OIT3: variants seen among roughly 807,000 people sequenced by gnomAD.
The protein encoded by OIT3 is oncoprotein induced transcript 3.
In OIT3, 41 loss-of-function variants were observed where a neutral mutation model predicts 52.2. The ratio of observed to expected loss-of-function variants is 0.79; its 90% confidence interval spans 0.61 to 1.02. The LOEUF (loss-of-function observed/expected upper bound fraction) is 1.02, where lower values mean the gene tolerates loss of function less well. OIT3 is among the 50% of genes least tolerant of loss of function. The pLI, the probability that OIT3 is intolerant of heterozygous loss-of-function variation, is 0.00. For missense variants in OIT3, 634 were observed against 715.5 expected (o/e 0.89, Z 1.30); for synonymous variants, 244 against 276.9 (o/e 0.88, Z 1.18).
intron 1 of OIT3, among the ~76,000 whole-genome samples, chr10:72,896,663 A>G (rs1270861547): frequency 6.6e-6 from 1 of 152,222 alleles, no homozygotes; most frequent in Non-Finnish European, 1.5e-5. Context: ...TGTAGATTGG[A>G]AAAATCTAAA....
chr10:72,926,253 T>A (rs1846169035), intron 7 of OIT3, among the ~76,000 whole-genome samples: 1 of 152,238 alleles, frequency 6.6e-6, no homozygotes, highest in Non-Finnish European at 1.5e-5. Flanking sequence ...CCTCTTGTTT[T>A]TCACTACAGC....
intron 7 of OIT3, among the ~76,000 whole-genome samples, chr10:72,927,709 C>A (rs903172083): frequency 6.6e-6 from 1 of 152,132 alleles, no homozygotes; most frequent in East Asian, 1.9e-4. Flanking sequence ...AGTTTCTGCT[C>A]CTGCCAAAGG....
rs544505035 is a variant in OIT3 at position 72,928,482 on chromosome 10, A to G, written c.1368-2056A>G. ...CCCCTTCTGCTTCATTTTTTCTTTT[A>G]AAGAAAAATAACAGTTATTTTGAGA... is the stretch of plus-strand genomic sequence containing the variant. On this transcript the variant is annotated intron_variant, in intron 7 of 8. Transcript: ENST00000334011. 2.4e-4 allele frequency among the ~76,000 whole-genome samples: 37 copies of G among 152,266 alleles called. No homozygotes were observed. The South Asian group carries it at 7.7e-3, about 32-fold the overall frequency.
chr10:72,930,878 A>C (rs1476888427), intron 8 of OIT3, among the ~76,000 whole-genome samples: 1 of 152,130 alleles, frequency 6.6e-6, no homozygotes, highest in African/African-American at 2.4e-5. Context: ...GTGCTGTTCA[A>C]AGAAAATACT....
At chr10:72,895,133 G>A (rs907846987) in intron 1 of OIT3, among the ~76,000 whole-genome samples, 1 of 152,186 alleles carries the variant, frequency 6.6e-6, no homozygotes, top group Non-Finnish European at 1.5e-5. Flanking sequence ...TGGGTGTGGG[G>A]TATGTGGGAT....
rs751500410 is a variant in OIT3, at chr10:72,906,685, C to T, written c.634C>T (p.Arg212Cys). 21 of 1,607,078 alleles carry T rather than the reference C, an allele frequency of 1.3e-5. No homozygotes were observed. The Admixed American group carries it at 2.7e-4, about 21-fold the overall frequency. The change falls in exon 4 of 9, where the codon CGT becomes TGT. Residue 212 changes from arginine (R) to cysteine (C), a missense_variant. Arg to Cys is a radical substitution (Grantham distance 180). Transcript: ENST00000334011. ...NSYRCECGVG[R>C]VLRSDGKTCE... is the part of the protein sequence containing the mutation. ...CTACCGCTGTGAGTGTGGGGTTGGC[C>T]GTGTGCTAAGAAGTGATGGCAAGAC...
intron 7 of OIT3, among the ~76,000 whole-genome samples, chr10:72,926,361 C>T (rs1268636071): frequency 2.6e-5 from 4 of 152,182 alleles, no homozygotes; most frequent in African/African-American, 9.7e-5. Flanking sequence ...ATAGCAATGC[C>T]CCAACCCTGT....
intron 4 of OIT3, among the ~76,000 whole-genome samples, chr10:72,908,620 TA>T (rs1484691075): frequency 1.3e-5 from 2 of 152,176 alleles, no homozygotes; most frequent in African/African-American, 4.8e-5. Flanking sequence ...GAGTCCTCCT[TA>T]AATCTTAATT....
chr10:72,899,365 G>A (rs1845906306), intron 2 of OIT3, among the ~76,000 whole-genome samples: 3 of 152,134 alleles, frequency 2.0e-5, no homozygotes, highest in South Asian at 4.1e-4. Context: ...GGGAGGCTGA[G>A]GCAGGTGGAT....
chr10:72,910,296 AG>A (rs1486158161), intron 4 of OIT3, among the ~76,000 whole-genome samples: 1 of 152,162 alleles, frequency 6.6e-6, no homozygotes, highest in Non-Finnish European at 1.5e-5. Context: ...TTTCTTCTAT[AG>A]TATTATATAT....
chr10:72,893,856 G>A lies in OIT3; in HGVS notation c.58G>A (p.Val20Met), dbSNP rs145779704. The change falls in exon 1 of 9, where the codon GTG (valine) becomes ATG (methionine). Residue 20 changes from valine to methionine, a missense_variant. Coordinates refer to ENST00000334011, the MANE Select transcript of OIT3 (RefSeq NM_152635.3). ...LFITGTSVSP[V>M]ALDPCSAYIS... ...CATCACAGGCACCTCCGTGTCACCC[G>A]TGGGTGAGTCTCATGTCAAGAACTT... The A allele has an allele frequency of 2.3e-5, 37 of 1,607,154 alleles. No individual in the cohort carries two copies. Among genetic ancestry groups the A allele is most frequent in the Admixed American group, 1.0e-4 (6 of 59,024 alleles).
intron 6 of OIT3, chr10:72,918,613 G>T: frequency 1.4e-6 from 1 of 730,494 alleles, no homozygotes; most frequent in Non-Finnish European, 2.5e-6. Flanking sequence ...AGCCGCACAG[G>T]ACAGAATCAC....
rs192449702 is a variant in OIT3, at chr10:72,898,775, A to G, written c.173A>G (p.Glu58Gly). 6.2e-7 allele frequency: 1 copy of G among 1,614,072 alleles called. No individual in the cohort carries two copies. The highest frequency in any genetic ancestry group is 8.5e-7 in the Non-Finnish European group (1 of 1,179,994). Residue 58 changes from glutamate (E) to glycine (G), a missense_variant, in exon 2 of 9, where the codon GAG becomes GGG. By Grantham distance (98) the Glu-to-Gly change is moderately conservative (BLOSUM62 -2). Transcript: ENST00000334011. ...PPLCDNHVNG[E>G]WYHFTGMAGD... is the part of the protein sequence containing the mutation. ...CTATGTGACAACCATGTGAATGGGG[A>G]GTGGTACCACTTCACGGGCATGGCG...
At chr10:72,921,696 A>T (rs1361855714) in intron 6 of OIT3, among the ~76,000 whole-genome samples, 1 of 144,618 alleles carries the variant, frequency 6.9e-6, no homozygotes, top group African/African-American at 2.6e-5. Context: ...TTTTTTTAAG[A>T]CAGTCTTGCT....
chr10:72,906,483 A>G (rs2132931461), intron 3 of OIT3, 113 bp from the exon 4 acceptor site: 1 of 1,127,518 alleles, frequency 8.9e-7, no homozygotes, highest in Non-Finnish European at 1.3e-6. Flanking sequence ...GGGGAGCTGG[A>G]TGGTGGAAGG....
chr10:72,922,329 T>C (rs547360977), intron 6 of OIT3, among the ~76,000 whole-genome samples: 13 of 152,148 alleles, frequency 8.5e-5, no homozygotes, highest in Non-Finnish European at 1.6e-4. Flanking sequence ...CAGTCATATA[T>C]TCAGTCTCTT....
chr10:72,925,272 T>C (rs1239772807), intron 7 of OIT3, among the ~76,000 whole-genome samples: 1 of 152,220 alleles, frequency 6.6e-6, no homozygotes, highest in Non-Finnish European at 1.5e-5. Context: ...TTTAATTTTT[T>C]AGATACCTGC....
At chr10:72,923,869 C>G (rs1478304587) in intron 6 of OIT3, among the ~76,000 whole-genome samples, 2 of 152,160 alleles carry the variant, frequency 1.3e-5, no homozygotes, top group Admixed American at 1.3e-4. Context: ...CAGCCTCCCC[C>G]TCCCGCTTGG....
intron 7 of OIT3, among the ~76,000 whole-genome samples, chr10:72,926,953 A>T (rs1016018957): frequency 5.3e-5 from 8 of 152,164 alleles, no homozygotes; most frequent in Non-Finnish European, 8.8e-5. Context: ...CCATCACAAT[A>T]ATCAAGATAA....
Sources: allele counts gnomAD v4.1 joint callset (sites outside exome capture counted in the v4.1 genomes callset), GRCh38; gene constraint gnomAD v4.1.1; transcripts MANE v1.5; gene names NCBI Gene and HGNC (gene_info 2026-07-23, HGNC 2026-07-21).